Variants in RNF20 observed in about 807,000 individuals in gnomAD.
The protein encoded by RNF20 is E3 ubiquitin-protein ligase BRE1A.
In RNF20, 84 loss-of-function variants were observed where a neutral mutation model predicts 126.2. The ratio of observed to expected loss-of-function variants is 0.67; its 90% CI spans 0.56 to 0.80. The LOEUF is 0.80. Among genes scored for constraint, RNF20 ranks in the 30% least tolerant of loss-of-function variants. The probability of loss-of-function intolerance (pLI) is 0.00; values close to 1 mark genes in which losing one functional copy is unlikely to be tolerated. For missense variants in RNF20, 869 were observed against 1,188.2 expected, an observed-to-expected ratio of 0.73 and a Z score of 3.95; for synonymous variants, 400 against 414.3, an observed-to-expected ratio of 0.97 and a Z score of 0.42.
chr9:101,561,429 A>G (rs1316924788), intron 18 of RNF20, 199 bp downstream of exon 18: 2 of 536,938 alleles, frequency 3.7e-6, no homozygotes, highest in Non-Finnish European at 6.5e-6. Flanking sequence ...CCTAGTAGGC[A>G]CAAAATAAAT....
intron 9 of RNF20, among the ~76,000 whole-genome samples, chr9:101,548,323 G>C (rs1827386215): frequency 6.6e-6 from 1 of 152,186 alleles, no homozygotes; most frequent in African/African-American, 2.4e-5. Context: ...TGGTTACCAG[G>C]GTTGGGGAAA....
rs867559221 is a variant in RNF20, at chr9:101,557,606, A to T, written c.2382+10A>T. 39 of 1,585,560 alleles carry T rather than the reference A, an allele frequency of 2.5e-5. 2 individuals carry two copies. In the Middle Eastern group the frequency reaches 4.1e-3, roughly 168 times the overall value. On this transcript the variant is annotated intron_variant, in intron 16 of 19. Coordinates refer to ENST00000389120, the MANE Select transcript of RNF20 (RefSeq NM_019592.7). ...GACTCTGAAGACTCAGGTAATTAGG[A>T]TGAGTAGAGCTTTCTATTCTGTTGA...
Position 101,552,329 on chromosome 9 carries a change from C to T in RNF20, c.1531-54C>T, listed in dbSNP as rs749848476. On this transcript the variant is annotated intron_variant, in intron 12 of 19. Transcript: ENST00000389120. ...TCGTAAAGCTGCTTTTGAATGAGGT[C>T]GGCAATGTGGTTATCATAAGAGATG... 1.4e-5 allele frequency: 22 copies of T among 1,612,048 alleles called. 1 individual carries two copies. The highest frequency in any genetic ancestry group is 1.6e-4 in the Middle Eastern group (1 of 6,072).
rs1280661883 is a variant in RNF20 at position 101,540,516 on chromosome 9, TA to T, written c.327del (p.Lys109AsnfsTer81). The T allele has an allele frequency of 6.2e-7, 1 of 1,614,046 alleles. No individual in the cohort carries two copies. ...QFDENIRIIL[K>X]RYDLEQGLGD... ...TTGATGAAAACATCCGTATCATCCT[TA>T]AACGTTATGATCTGGAGCAGGGCTT... On this transcript the variant is annotated frameshift_variant, in exon 4 of 20. Coordinates refer to ENST00000389120, the MANE Select transcript of RNF20 (RefSeq NM_019592.7). LOFTEE classifies it high-confidence loss of function.
chr9:101,541,279 C>A (rs1048187295), intron 5 of RNF20, among the ~76,000 whole-genome samples: 2 of 152,146 alleles, frequency 1.3e-5, no homozygotes, highest in Non-Finnish European at 2.9e-5. Context: ...CTATGTTGCC[C>A]AGGCTGGTCT....
intron 16 of RNF20, among the ~76,000 whole-genome samples, chr9:101,560,163 GA>G (rs1827602580): frequency 6.6e-6 from 1 of 152,160 alleles, no homozygotes; most frequent in Admixed American, 6.5e-5. Flanking sequence ...ATGATCATGT[GA>G]TTTTTTAAAA....
intron 9 of RNF20, among the ~76,000 whole-genome samples, chr9:101,550,288 G>A (rs893187250): frequency 2.0e-5 from 3 of 152,088 alleles, no homozygotes; most frequent in Non-Finnish European, 2.9e-5. Flanking sequence ...AGTGACTGGG[G>A]TCCTCAACTA....
Position 101,547,122 on chromosome 9 carries a change from T to C in RNF20, c.895-15T>C. 1 of 1,613,526 alleles carries C rather than the reference T, an allele frequency of 6.2e-7. No individual in the cohort carries two copies. Among genetic ancestry groups the C allele is most frequent in the Non-Finnish European group, 8.5e-7 (1 of 1,179,440 alleles). Reference sequence around the variant, plus strand: ...TTAAGAGTCTCTCACTAAAGAATCTTTGTGTTCTCTGTAGGTGAATTCCAA... The same window carrying C: ...TTAAGAGTCTCTCACTAAAGAATCTCTGTGTTCTCTGTAGGTGAATTCCAA... On this transcript the variant is annotated splice_polypyrimidine_tract_variant and intron_variant, in intron 7 of 19. Transcript: ENST00000389120.
chr9:101,557,724 A>G (rs550887169), intron 16 of RNF20, 128 bp downstream of exon 16: 67 of 644,352 alleles, frequency 1.0e-4, no homozygotes, highest in African/African-American at 9.9e-4. Context: ...CTAAATGTTC[A>G]TCATTAGGGT....
chr9:101,562,038 T>A, intron 19 of RNF20, 27 bp downstream of exon 19: 1 of 1,529,404 alleles, frequency 6.5e-7, no homozygotes, highest in Non-Finnish European at 9.0e-7. Context: ...TAGTGATTAG[T>A]TTTTTGTCAA....
intron 19 of RNF20, 100 bp from the exon 20 acceptor site, chr9:101,562,146 T>C: frequency 7.3e-7 from 1 of 1,364,796 alleles, no homozygotes; most frequent in Non-Finnish European, 1.0e-6. Context: ...GCTCTTTTTT[T>C]AGTGCCTTGT....
chr9:101,535,620 A>T (rs1288999925), intron 2 of RNF20, 68 bp downstream of exon 2: 2 of 1,549,324 alleles, frequency 1.3e-6, no homozygotes, highest in Non-Finnish European at 1.8e-6. Context: ...CTAAAAATTC[A>T]TGGAAGCTTT....
At chr9:101,536,296 C>A (rs990403961) in intron 2 of RNF20, among the ~76,000 whole-genome samples, 1 of 152,044 alleles carries the variant, frequency 6.6e-6, no homozygotes, top group Non-Finnish European at 1.5e-5. Flanking sequence ...CAAGATTTTG[C>A]TTTTTTGAAA....
At chr9:101,557,920 G>A (rs1256203000) in intron 16 of RNF20, among the ~76,000 whole-genome samples, 1 of 151,968 alleles carries the variant, frequency 6.6e-6, no homozygotes, top group Non-Finnish European at 1.5e-5. Context: ...AAAATTTCTG[G>A]AAGGCTGCAT....
Position 101,535,392 on chromosome 9 carries a change from T to A in RNF20, c.-26-6T>A. 6.2e-7 allele frequency: 1 copy of A among 1,602,474 alleles called. No individual in the cohort carries two copies. Among genetic ancestry groups the A allele is most frequent in the Non-Finnish European group, 8.5e-7 (1 of 1,176,446 alleles). ...TTATGTCAGTTTCTGCCTTTTTTTC[T>A]ATCAGGAAAACGACTGTCTTCTTCT... On this transcript the variant is annotated splice_polypyrimidine_tract_variant and splice_region_variant and intron_variant, in intron 1 of 19. Transcript: ENST00000389120.
At chr9:101,552,804 A>G in intron 13 of RNF20, 51 bp downstream of exon 13, 1 of 1,509,578 alleles carries the variant, frequency 6.6e-7, no homozygotes, top group Non-Finnish European at 8.9e-7. Flanking sequence ...TAAGATTAAG[A>G]CATCATGCAT....
At chr9:101,543,275 C>T (rs532116503) in intron 5 of RNF20, among the ~76,000 whole-genome samples, 18 of 143,374 alleles carry the variant, frequency 1.3e-4, no homozygotes, top group Non-Finnish European at 2.6e-4. Flanking sequence ...TAACCTGCCA[C>T]GGCAGTACTG....
intron 2 of RNF20, among the ~76,000 whole-genome samples, chr9:101,538,182 A>T (rs117614244): frequency 1.5e-3 from 227 of 152,310 alleles, no homozygotes; most frequent in Non-Finnish European, 2.2e-3. Context: ...GAGGACATGT[A>T]GGTACAAGTA....
intron 15 of RNF20, among the ~76,000 whole-genome samples, chr9:101,555,152 G>T (rs1827513201): frequency 6.6e-6 from 1 of 151,754 alleles, no homozygotes; most frequent in Admixed American, 6.6e-5. Flanking sequence ...GGAATTAAGG[G>T]TTATAGTGAA....
Sources: gnomAD v4.1 joint callset for allele counts (sites outside exome capture counted in the v4.1 genomes callset) on GRCh38, gnomAD v4.1.1 for gene constraint, MANE v1.5 for transcripts, NCBI Gene and HGNC (gene_info 2026-07-23, HGNC 2026-07-21) for gene names.